Variants in TM9SF4 observed in about 807,000 individuals in gnomAD.
TM9SF4 encodes transmembrane 9 superfamily member 4, also known as dinucleotide oxidase disulfide thiol exchanger 3 superfamily member 4.
Under a neutral mutation model 90.4 loss-of-function variants are expected in TM9SF4, and 26 were observed. The observed-to-expected ratio is 0.29, with a 90% CI of 0.21 to 0.40. The LOEUF (loss-of-function observed/expected upper bound fraction) is 0.40, where lower values mean the gene tolerates loss of function less well. Among genes scored for constraint, TM9SF4 ranks in the 10% least tolerant of loss-of-function variants. The probability of loss-of-function intolerance (pLI) is 1.00; values close to 1 mark genes in which losing one functional copy is unlikely to be tolerated. For synonymous variants in TM9SF4, 293 were observed against 315.4 expected (o/e 0.93, Z 0.75); for missense variants, 549 against 834.8 (o/e 0.66, Z 4.22).
chr20:32,130,486 T>C (rs2122366310), intron 1 of TM9SF4, among the ~76,000 whole-genome samples: 1 of 152,280 alleles, frequency 6.6e-6, no homozygotes, highest in South Asian at 2.1e-4. Context: ...CATGACACAC[T>C]TGCGTTCTAA....
At chr20:32,147,093 C>T (rs1480184209) in intron 9 of TM9SF4, among the ~76,000 whole-genome samples, 1 of 151,638 alleles carries the variant, frequency 6.6e-6, no homozygotes, top group East Asian at 1.9e-4. Context: ...CAATTCCCCA[C>T]CTCAACCTCC....
At chr20:32,150,149 A>G (rs966180917) in intron 10 of TM9SF4, among the ~76,000 whole-genome samples, 5 of 152,234 alleles carry the variant, frequency 3.3e-5, no homozygotes, top group Non-Finnish European at 1.5e-5. Flanking sequence ...GTAATTTTAG[A>G]CAGCTTTGGA....
rs916454753 is a variant in TM9SF4, at chr20:32,167,144, A to G, written c.*1700A>G. ...AAACGGACACCTCATAAAGGGTTCA[A>G]AGATCATCAATTTTTCTGACTTTTT... On this transcript the variant is annotated 3_prime_UTR_variant, in exon 18 of 18. Transcript: ENST00000398022. 9.9e-5 allele frequency: 15 copies of G among 152,176 alleles called. No homozygotes were observed. Among genetic ancestry groups the G allele is most frequent in the African/African-American group, 3.6e-4 (15 of 41,422 alleles). 9.4% of individuals were successfully genotyped at this position (152,176 alleles called of 1,614,324 possible).
intron 17 of TM9SF4, 22 bp from the exon 18 acceptor site, chr20:32,165,273 T>C (rs567652045): frequency 1.2e-6 from 2 of 1,613,882 alleles, no homozygotes; most frequent in Non-Finnish European, 8.5e-7. Context: ...GCACCCTGTC[T>C]TCTTTCTGCT....
chr20:32,123,183 GAGGGGGAGAGGGGGA>G (rs2046355689), intron 1 of TM9SF4, among the ~76,000 whole-genome samples: 1 of 9,128 alleles, frequency 1.1e-4, no homozygotes, highest in Non-Finnish European at 3.1e-4. Flanking sequence ...GGGAGGGGGG[GAGGGGGAGAGGGGGA>G]GGGGGGAGGG....
At chr20:32,140,171 A>G (rs1377768969) in intron 3 of TM9SF4, among the ~76,000 whole-genome samples, 1 of 152,242 alleles carries the variant, frequency 6.6e-6, no homozygotes, top group Non-Finnish European at 1.5e-5. Context: ...TGCGAGACCA[A>G]GTGCATGTGG....
chr20:32,149,620 G>A lies in TM9SF4; in HGVS notation c.955-14G>A. The stretch of plus-strand genomic sequence containing the variant: ...ATCTTCAACAACCAGCCTCACTCTG[G>A]CCCTTCGCTGCAGGAAGACACCATG... On this transcript the variant is annotated splice_polypyrimidine_tract_variant and intron_variant, in intron 9 of 17. Coordinates refer to ENST00000398022, the MANE Select transcript of TM9SF4 (RefSeq NM_014742.4). 1 of 1,614,130 alleles carries A rather than the reference G, an allele frequency of 6.2e-7. No homozygotes were observed. Among genetic ancestry groups the A allele is most frequent in the African/African-American group, 1.3e-5 (1 of 75,008 alleles).
At position 32,158,434 on chromosome 20, in the gene TM9SF4, C is replaced by T; in HGVS notation, c.1506-17C>T. On this transcript the variant is annotated splice_polypyrimidine_tract_variant and intron_variant, in intron 14 of 17. Coordinates refer to ENST00000398022, the MANE Select transcript of TM9SF4 (RefSeq NM_014742.4). ...TGGCCTGGTCTCTAACAATGTCAAC[C>T]TCTCGTTCTGTGGCAGCATCCTCAT... 1 of 1,614,132 alleles carries T rather than the reference C, an allele frequency of 6.2e-7. No homozygotes were observed. Among genetic ancestry groups the T allele is most frequent in the Non-Finnish European group, 8.5e-7 (1 of 1,179,972 alleles).
intron 1 of TM9SF4, among the ~76,000 whole-genome samples, chr20:32,126,068 A>ACACACAC (rs2046415805): frequency 1.4e-5 from 2 of 138,592 alleles, no homozygotes; most frequent in East Asian, 2.1e-4. Flanking sequence ...CTTTCCCGTA[A>ACACACAC]ACACACACAC....
intron 4 of TM9SF4, 22 bp from the exon 5 acceptor site, chr20:32,141,744 G>C (rs757978695): frequency 8.7e-6 from 14 of 1,613,952 alleles, no homozygotes; most frequent in East Asian, 4.5e-5. Context: ...GAGAGGGACT[G>C]AGTGGGGCCT....
chr20:32,141,953 A>G, intron 5 of TM9SF4, 58 bp downstream of exon 5: 1 of 1,601,996 alleles, frequency 6.2e-7, no homozygotes. Context: ...AGTCCTGAGC[A>G]CTTGGGGCCA....
intron 3 of TM9SF4, among the ~76,000 whole-genome samples, chr20:32,140,909 C>T (rs1016448195): frequency 6.6e-6 from 1 of 151,956 alleles, no homozygotes; most frequent in Non-Finnish European, 1.5e-5. Context: ...GCGACTGAGG[C>T]CCAGAGGCAT....
rs2047108339 is a variant in TM9SF4, at chr20:32,167,057, T to C, written c.*1613T>C. 1 of 152,064 alleles carries C rather than the reference T, an allele frequency of 6.6e-6. No homozygotes were observed. Among genetic ancestry groups the C allele is most frequent in the African/African-American group, 2.4e-5 (1 of 41,414 alleles). The allele number at this position is 152,064 out of a possible 1,614,324, so 9.4% of individuals were successfully genotyped here. On this transcript the variant is annotated 3_prime_UTR_variant, in exon 18 of 18. Coordinates refer to ENST00000398022, the MANE Select transcript of TM9SF4 (RefSeq NM_014742.4). ...AGTAGAGAGCGATATTGGAGTCTTT[T>C]GTTCATTCAAATCTTGGATTTTTTT...
At chr20:32,116,782 A>T (rs1427274572) in intron 1 of TM9SF4, among the ~76,000 whole-genome samples, 2 of 142,678 alleles carry the variant, frequency 1.4e-5, no homozygotes, top group African/African-American at 5.2e-5. Flanking sequence ...AACTGACTGG[A>T]TAATTGACTT....
intron 1 of TM9SF4, among the ~76,000 whole-genome samples, chr20:32,117,461 G>T (rs2046243317): frequency 6.6e-6 from 1 of 152,158 alleles, no homozygotes; most frequent in South Asian, 2.1e-4. Context: ...GCAAGTGAAT[G>T]AAATAATTTT....
At chr20:32,150,235 T>G (rs1226113586) in intron 10 of TM9SF4, among the ~76,000 whole-genome samples, 1 of 152,204 alleles carries the variant, frequency 6.6e-6, no homozygotes, top group Non-Finnish European at 1.5e-5. Flanking sequence ...TTGACCTCTG[T>G]GAGCCTCCGT....
At chr20:32,156,002 C>T (rs1475766540) in intron 13 of TM9SF4, among the ~76,000 whole-genome samples, 1 of 152,174 alleles carries the variant, frequency 6.6e-6, no homozygotes, top group Non-Finnish European at 1.5e-5. Flanking sequence ...TCATTATAAA[C>T]ATTCACTGTA....
intron 3 of TM9SF4, among the ~76,000 whole-genome samples, chr20:32,136,537 A>G (rs951270104): frequency 2.0e-5 from 3 of 152,150 alleles, no homozygotes; most frequent in Non-Finnish European, 2.9e-5. Context: ...TTGCGGCTTC[A>G]TCACCTCCTC....
intron 12 of TM9SF4, 123 bp downstream of exon 12, chr20:32,150,998 C>A: frequency 8.5e-7 from 1 of 1,177,744 alleles, no homozygotes. Flanking sequence ...AGCAGCAAGA[C>A]ATAGCAGGAG....
Sources: allele counts gnomAD v4.1 joint callset (sites outside exome capture counted in the v4.1 genomes callset), GRCh38; gene constraint gnomAD v4.1.1; transcripts MANE v1.5; gene names NCBI Gene and HGNC (gene_info 2026-07-23, HGNC 2026-07-21).